PAQR5: variants seen among roughly 807,000 people sequenced by gnomAD.
The protein encoded by PAQR5 is progestin and adipoQ receptor family member 5, also known as membrane progestin receptor gamma.
Under a neutral mutation model 34.5 loss-of-function variants are expected in PAQR5, and 20 were observed. The observed-to-expected ratio is 0.58, with a 90% CI of 0.41 to 0.84. The LOEUF (loss-of-function observed/expected upper bound fraction) is 0.84, where lower values mean the gene tolerates loss of function less well. Ranked by LOEUF, PAQR5 falls within the 40% of genes least tolerant of loss-of-function variation. PAQR5 has a pLI of 0.00. For synonymous variants in PAQR5, 131 were observed against 155.6 expected, an observed-to-expected ratio of 0.84 and a Z score of 1.18; for missense variants, 378 against 412.7, an observed-to-expected ratio of 0.92 and a Z score of 0.73.
In PAQR5 at chr15:69,333,875, T is replaced by TTGTG. The variant is rs540304254; in HGVS notation, c.-276-3451_-276-3448dup. The stretch of plus-strand genomic sequence containing the variant: ...TTCTGTCTGTCTGTATTCATATGTG[T>TTGTG]TGTGTGTGTGTGTGTGTGAGATGTT... On this transcript the variant is annotated intron_variant, in intron 1 of 8. Coordinates refer to ENST00000395407, the MANE Select transcript of PAQR5 (RefSeq NM_017705.4). 2.0e-4 allele frequency among the ~76,000 whole-genome samples: 31 copies of TTGTG among 151,222 alleles called. No individual in the cohort carries two copies. In the East Asian group the frequency reaches 2.5e-3, roughly 12 times the overall value.
intron 1 of PAQR5, among the ~76,000 whole-genome samples, chr15:69,332,793 A>AAG (rs931766847): frequency 2.0e-5 from 3 of 149,538 alleles, no homozygotes; most frequent in African/African-American, 7.4e-5. Context: ...AAAAAAAAAA[A>AAG]AAAAAAAAAA....
intron 2 of PAQR5, among the ~76,000 whole-genome samples, chr15:69,355,563 G>A (rs1163843655): frequency 1.3e-5 from 2 of 151,794 alleles, no homozygotes; most frequent in African/African-American, 4.8e-5. Context: ...AGGGATTACA[G>A]GCATTCGCCA....
chr15:69,365,275 T>C (rs1344640175), intron 3 of PAQR5, among the ~76,000 whole-genome samples: 2 of 151,472 alleles, frequency 1.3e-5, no homozygotes, highest in Middle Eastern at 3.2e-3. Flanking sequence ...CCTGGCTAAT[T>C]TTTGTATTTT....
At position 69,303,441 on chromosome 15, in the gene PAQR5, C is replaced by A. The variant is rs369229514; in HGVS notation, c.-277+4385C>A. On this transcript the variant is annotated intron_variant, in intron 1 of 8. Coordinates refer to ENST00000395407, the MANE Select transcript of PAQR5 (RefSeq NM_017705.4). Reference sequence around the variant, plus strand: ...GGAGTCATCCCCACCAGACCTCCATCCTCAAAGAAAACCTCCCAGGGTTGC... The same window carrying A: ...GGAGTCATCCCCACCAGACCTCCATACTCAAAGAAAACCTCCCAGGGTTGC... Among the ~76,000 whole-genome samples, 32 of 152,248 alleles carry A rather than the reference C, an allele frequency of 2.1e-4. No individual in the cohort carries two copies. The South Asian group carries it at 6.4e-3, about 31-fold the overall frequency.
rs138430970 is a variant in PAQR5 at position 69,360,088 on chromosome 15, G to A, written c.8G>A (p.Ser3Asn). Residue 3 changes from serine to asparagine, a missense_variant, in exon 3 of 9, where the codon AGC becomes AAC. Physicochemically the swap from Ser to Asn is conservative, Grantham distance 46. Transcript: ENST00000395407. ML[S>N]LKLPRLFSID... ...TGCCAATCCAGCTCCAAGATGCTGA[G>A]CCTGAAGCTCCCCAGGCTGTTTAGC... 5 of 1,613,688 alleles carry A rather than the reference G, an allele frequency of 3.1e-6. No homozygotes were observed. Among genetic ancestry groups the A allele is most frequent in the African/African-American group, 1.3e-5 (1 of 74,928 alleles).
intron 1 of PAQR5, among the ~76,000 whole-genome samples, chr15:69,319,855 C>T (rs1276065202): frequency 6.6e-6 from 1 of 152,220 alleles, no homozygotes; most frequent in Non-Finnish European, 1.5e-5. Context: ...TGGCCTCCTC[C>T]AGGTTCCCAG....
intron 6 of PAQR5, among the ~76,000 whole-genome samples, chr15:69,395,377 C>T (rs2056393632): frequency 6.6e-6 from 1 of 152,216 alleles, no homozygotes; most frequent in Admixed American, 6.5e-5. Context: ...TTCTTATTGG[C>T]TCATCTGACT....
chr15:69,391,852 T>C, intron 6 of PAQR5: 2 of 377,172 alleles, frequency 5.3e-6, no homozygotes, highest in Non-Finnish European at 1.1e-5. Context: ...AGGTCAGGAG[T>C]TCAAGACCAG....
intron 1 of PAQR5, among the ~76,000 whole-genome samples, chr15:69,322,790 G>GAA (rs2054151412): frequency 7.6e-5 from 1 of 13,136 alleles, no homozygotes; most frequent in Non-Finnish European, 2.0e-4. Flanking sequence ...AAGAAGACGA[G>GAA]GAAGAAGAAG....
At chr15:69,395,700 C>T (rs1352255082) in intron 6 of PAQR5, among the ~76,000 whole-genome samples, 1 of 152,036 alleles carries the variant, frequency 6.6e-6, no homozygotes, top group Admixed American at 6.5e-5. Flanking sequence ...AGGATTTGAA[C>T]CCAGTGTGTC....
chr15:69,310,050 A>AC (rs2053796016), intron 1 of PAQR5, among the ~76,000 whole-genome samples: 1 of 91,334 alleles, frequency 1.1e-5, no homozygotes, highest in South Asian at 3.6e-4. Context: ...TCCATATTAA[A>AC]AAAAAAACAA....
rs1398306715 is a variant in PAQR5, at chr15:69,383,428, G to A, written c.180-1249G>A. On this transcript the variant is annotated intron_variant, in intron 4 of 8. Coordinates refer to ENST00000395407, the MANE Select transcript of PAQR5 (RefSeq NM_017705.4). Reference sequence around the variant, plus strand: ...ATCGTGGAGGGTGAGTGGGCCCTCCGTGCTCATGGTGGAGGGTGAGCGGGC... The same window carrying A: ...ATCGTGGAGGGTGAGTGGGCCCTCCATGCTCATGGTGGAGGGTGAGCGGGC... Among the ~76,000 whole-genome samples the A allele has an allele frequency of 1.4e-5, 2 of 143,926 alleles. 1 individual carries two copies. Among genetic ancestry groups the A allele is most frequent in the Non-Finnish European group, 3.0e-5 (2 of 66,470 alleles). 94.4% of individuals were successfully genotyped at this position (143,926 alleles called of 152,430 possible). A position where few individuals can be genotyped will look rare whatever the true frequency, so the allele number is the denominator to read the frequency against.
rs116183437 is a variant in PAQR5 at position 69,397,102 on chromosome 15, G to A, written c.513-366G>A. On this transcript the variant is annotated intron_variant, in intron 6 of 8. Transcript: ENST00000395407. ...AAGAGTCTGTGGCAGTGGATCCCCC[G>A]ATTCCCCCTACCCGTTCCCTGTCCC... The A allele has an allele frequency of 4.5e-3, 1,484 of 330,032 alleles. 37 individuals are homozygous for A. The highest frequency in any genetic ancestry group is 0.031 in the African/African-American group (1,303 of 41,978). 20.4% of individuals were successfully genotyped at this position (330,032 alleles called of 1,614,324 possible).
chr15:69,322,201 G>A (rs1240660819), intron 1 of PAQR5, among the ~76,000 whole-genome samples: 2 of 149,524 alleles, frequency 1.3e-5, no homozygotes, highest in African/African-American at 5.0e-5. Context: ...GCCAGGGCCG[G>A]GTGCAGTGGC....
At position 69,385,003 on chromosome 15, in the gene PAQR5, A is replaced by G. The variant is rs1256431261; in HGVS notation, c.385+121A>G. ...TGCAGAAGAATCCAGGGATTATGCC[A>G]GTGCCCCTGTCCAGGTTCCCAATGG... On this transcript the variant is annotated intron_variant, in intron 5 of 8. Coordinates refer to ENST00000395407, the MANE Select transcript of PAQR5 (RefSeq NM_017705.4). The surrounding 1 kb of genome is among the most constrained non-coding windows in gnomAD (Gnocchi z 4.7). 7.2e-6 allele frequency: 5 copies of G among 698,404 alleles called. No homozygotes were observed. Among genetic ancestry groups the G allele is most frequent in the Non-Finnish European group, 1.2e-5 (5 of 404,112 alleles). The allele number at this position is 698,404 out of a possible 1,614,324, so 43.3% of individuals were successfully genotyped here. A position where few individuals can be genotyped will look rare whatever the true frequency, so the allele number is the denominator to read the frequency against.
intron 2 of PAQR5, among the ~76,000 whole-genome samples, chr15:69,353,792 G>T (rs1213950793): frequency 6.6e-6 from 1 of 152,200 alleles, no homozygotes; most frequent in Non-Finnish European, 1.5e-5. Flanking sequence ...TTGATGCTCT[G>T]CTGGTCTAAA....
intron 3 of PAQR5, among the ~76,000 whole-genome samples, chr15:69,372,300 T>C: frequency 6.6e-6 from 1 of 152,196 alleles, no homozygotes; most frequent in South Asian, 2.1e-4. Flanking sequence ...TCCCAGCACT[T>C]TGGGAAACCA....
rs2140943367 is a variant in PAQR5 at position 69,385,841 on chromosome 15, C to T, written c.385+959C>T. On this transcript the variant is annotated intron_variant, in intron 5 of 8. Coordinates refer to ENST00000395407, the MANE Select transcript of PAQR5 (RefSeq NM_017705.4). The surrounding 1 kb of genome is among the most constrained non-coding windows in gnomAD (Gnocchi z 4.7). ...CATACACACACTCACCACATATACA[C>T]AATACACTTACATGCACACACACAC... Among the ~76,000 whole-genome samples, 1 of 151,648 alleles carries T rather than the reference C, an allele frequency of 6.6e-6. No individual in the cohort carries two copies. Among genetic ancestry groups the T allele is most frequent in the African/African-American group, 2.4e-5 (1 of 41,330 alleles).
intron 4 of PAQR5, chr15:69,382,923 G>A (rs1240684582): frequency 6.6e-6 from 1 of 150,954 alleles, no homozygotes; most frequent in Non-Finnish European, 1.5e-5. Context: ...CAGGAGGACA[G>A]ATTTGAGCCA....
Sources: gnomAD v4.1 joint callset for allele counts (sites outside exome capture counted in the v4.1 genomes callset) on GRCh38, gnomAD v4.1.1 for gene constraint, Gnocchi (gnomAD v3.1) non-coding constraint, MANE v1.5 for transcripts, NCBI Gene and HGNC (gene_info 2026-07-23, HGNC 2026-07-21) for gene names.